SMCHD1: variants seen among roughly 807,000 people sequenced by gnomAD.
SMCHD1 encodes the protein structural maintenance of chromosomes flexible hinge domain containing 1.
A neutral mutation model predicts 254.7 loss-of-function variants in SMCHD1; 78 were observed. The ratio of observed to expected loss-of-function variants is 0.31; its 90% confidence interval spans 0.26 to 0.37. The LOEUF (loss-of-function observed/expected upper bound fraction) is 0.37. Ranked by LOEUF, SMCHD1 falls within the 10% of genes least tolerant of loss-of-function variation. The pLI, the probability that SMCHD1 is intolerant of heterozygous loss-of-function variation, is 1.00. For synonymous variants in SMCHD1, 766 were observed against 794.9 expected, an observed-to-expected ratio of 0.96 and a Z score of 0.61; for missense variants, 1,840 against 2,408.1, an observed-to-expected ratio of 0.76 and a Z score of 4.94.
chr18:2,717,022 C>G (rs1372599816), intron 17 of SMCHD1, among the ~76,000 whole-genome samples: 1 of 152,190 alleles, frequency 6.6e-6, no homozygotes, highest in Non-Finnish European at 1.5e-5. Context: ...CTGCTCTCCT[C>G]AATATTAGAT....
Position 2,706,444 on chromosome 18 carries a change from A to G in SMCHD1, c.2037A>G (p.Lys679=). 11 of 1,589,348 alleles carry G rather than the reference A, an allele frequency of 6.9e-6. No individual in the cohort carries two copies. The highest frequency in any genetic ancestry group is 8.6e-6 in the Non-Finnish European group (10 of 1,167,172). ...GGACAGTTGCTGAGAAAGCTGTTAAAAAATATGTAGAAGATGAAATGGCAA... is the reference window on the plus strand; with the variant it reads ...GGACAGTTGCTGAGAAAGCTGTTAAGAAATATGTAGAAGATGAAATGGCAA... The part of the protein sequence containing the change: ...LDRTVAEKAV[K]KYVEDEMARL... The change falls in exon 15 of 48, where the codon AAA becomes AAG. Residue 679 remains lysine (K), a synonymous_variant. Coordinates refer to ENST00000320876, the MANE Select transcript of SMCHD1 (RefSeq NM_015295.3).
intron 44 of SMCHD1, among the ~76,000 whole-genome samples, chr18:2,780,378 C>T (rs1008683507): frequency 6.6e-6 from 1 of 151,594 alleles, no homozygotes. Flanking sequence ...TCCTTGTAAA[C>T]CTAATATTAA....
At chr18:2,793,590 G>A (rs578197058) in intron 45 of SMCHD1, among the ~76,000 whole-genome samples, 259 of 150,130 alleles carry the variant, frequency 1.7e-3, no homozygotes, top group African/African-American at 6.1e-3. Flanking sequence ...GCGTGAACCC[G>A]GGAGGTGGAG....
At chr18:2,738,100 A>G in intron 25 of SMCHD1, among the ~76,000 whole-genome samples, 1 of 152,206 alleles carries the variant, frequency 6.6e-6, no homozygotes, top group East Asian at 1.9e-4. Flanking sequence ...TCTGATTTAT[A>G]TGTTACTTTT....
At chr18:2,736,210 G>A (rs1259569852) in intron 25 of SMCHD1, among the ~76,000 whole-genome samples, 1 of 152,188 alleles carries the variant, frequency 6.6e-6, no homozygotes, top group African/African-American at 2.4e-5. Flanking sequence ...GCCATATGCA[G>A]AAGAATGAAA....
intron 4 of SMCHD1, 112 bp downstream of exon 4, chr18:2,673,475 A>G (rs1463084718): frequency 2.5e-6 from 2 of 805,308 alleles, no homozygotes; most frequent in African/African-American, 3.5e-5. Flanking sequence ...AATAATTGTC[A>G]GATATCTCTT....
intron 28 of SMCHD1, 63 bp downstream of exon 28, chr18:2,740,884 T>A: frequency 1.1e-6 from 1 of 928,800 alleles, no homozygotes; most frequent in Non-Finnish European, 1.6e-6. Flanking sequence ...TAACAAAAAG[T>A]TTGGGAAAAA....
At chr18:2,740,911 G>T in intron 28 of SMCHD1, 90 bp downstream of exon 28, 2 of 716,492 alleles carry the variant, frequency 2.8e-6, no homozygotes, top group Non-Finnish European at 2.3e-6. Flanking sequence ...TAAGAAAAAA[G>T]TTTGATTTTA....
intron 34 of SMCHD1, among the ~76,000 whole-genome samples, chr18:2,755,961 G>C (rs746445852): frequency 6.6e-6 from 1 of 152,098 alleles, no homozygotes; most frequent in African/African-American, 2.4e-5. Context: ...ATCTGGTTTC[G>C]AATCTCAAAG....
intron 45 of SMCHD1, among the ~76,000 whole-genome samples, chr18:2,787,291 G>T (rs945336779): frequency 6.6e-6 from 1 of 152,094 alleles, no homozygotes; most frequent in Non-Finnish European, 1.5e-5. Flanking sequence ...ATTCATGAGG[G>T]ATCTGCCCTC....
At chr18:2,725,408 C>T (rs542172805) in intron 21 of SMCHD1, among the ~76,000 whole-genome samples, 3 of 150,690 alleles carry the variant, frequency 2.0e-5, no homozygotes, top group Admixed American at 6.6e-5. Context: ...CATCTTTAAA[C>T]ATATCACTTT....
In SMCHD1 at chr18:2,765,156, C is replaced by T. The variant is rs545844209; in HGVS notation, c.4719+1367C>T. On this transcript the variant is annotated intron_variant, in intron 37 of 47. Coordinates refer to ENST00000320876, the MANE Select transcript of SMCHD1 (RefSeq NM_015295.3). ...TTTTTTTCTTAAAAATATTAGTGCTCTTTGGTATATAAGTACTTTTTCATG... is the reference window on the plus strand; with the variant it reads ...TTTTTTTCTTAAAAATATTAGTGCTTTTTGGTATATAAGTACTTTTTCATG... Among the ~76,000 whole-genome samples, 3 of 151,994 alleles carry T rather than the reference C, an allele frequency of 2.0e-5. No homozygotes were observed. In the East Asian group the frequency reaches 5.8e-4, roughly 29 times the overall value.
chr18:2,691,386 C>G (rs1363907649), intron 7 of SMCHD1, among the ~76,000 whole-genome samples: 2 of 152,150 alleles, frequency 1.3e-5, no homozygotes, highest in African/African-American at 4.8e-5. Flanking sequence ...GGTCTGTTTC[C>G]TTTTCTGACT....
At chr18:2,679,483 A>C (rs929325763) in intron 5 of SMCHD1, among the ~76,000 whole-genome samples, 1 of 121,036 alleles carries the variant, frequency 8.3e-6, no homozygotes, top group African/African-American at 4.4e-5. Context: ...CCATCTCCAA[A>C]AAAAAAAAAA....
chr18:2,744,840 G>GTTTTGT (rs1283116863), intron 29 of SMCHD1, among the ~76,000 whole-genome samples: 1 of 151,946 alleles, frequency 6.6e-6, no homozygotes, highest in Non-Finnish European at 1.5e-5. Flanking sequence ...GTTTTGTTTT[G>GTTTTGT]TTTTGTTTTT....
chr18:2,750,865 A>G (rs1342274011), intron 32 of SMCHD1, among the ~76,000 whole-genome samples: 3 of 152,088 alleles, frequency 2.0e-5, no homozygotes, highest in African/African-American at 7.2e-5. Context: ...ACCGTATATA[A>G]AGTTTTAAAT....
At chr18:2,784,387 TCTC>T in intron 44 of SMCHD1, 60 bp from the exon 45 acceptor site, 3 of 1,343,048 alleles carry the variant, frequency 2.2e-6, no homozygotes, top group Non-Finnish European at 3.0e-6. Flanking sequence ...TTAAATTATT[TCTC>T]CTTTTTTGGA....
chr18:2,659,778 AAAAAGC>A (rs1487294937), intron 1 of SMCHD1, among the ~76,000 whole-genome samples: 1 of 151,520 alleles, frequency 6.6e-6, no homozygotes. Context: ...AAAAAAAAAA[AAAAAGC>A]AGAAAACTAT....
chr18:2,768,042 A>G (rs1188800256), intron 37 of SMCHD1, among the ~76,000 whole-genome samples: 1 of 152,128 alleles, frequency 6.6e-6, no homozygotes, highest in Admixed American at 6.6e-5. Flanking sequence ...ACCATTGTAC[A>G]TGTGGTCCTT....
Sources: gnomAD v4.1 joint callset for allele counts (sites outside exome capture counted in the v4.1 genomes callset) on GRCh38, gnomAD v4.1.1 for gene constraint, MANE v1.5 for transcripts, NCBI Gene and HGNC (gene_info 2026-07-23, HGNC 2026-07-21) for gene names.